Variants in RANBP2 observed in about 807,000 individuals in gnomAD.
RANBP2 encodes the protein RAN binding protein 2.
In RANBP2, 57 loss-of-function variants were observed where a neutral mutation model predicts 303.6. The observed-to-expected ratio is 0.19, with a 90% CI of 0.15 to 0.23. The LOEUF (loss-of-function observed/expected upper bound fraction) is 0.23, where lower values mean the gene tolerates loss of function less well. Ranked by LOEUF, RANBP2 falls within the 10% of genes least tolerant of loss-of-function variation. The pLI, the probability that RANBP2 is intolerant of heterozygous loss-of-function variation, is 1.00. For missense variants in RANBP2, 3,138 were observed against 3,780.8 expected, an observed-to-expected ratio of 0.83 and a Z score of 4.46; for synonymous variants, 1,167 against 1,301.5, an observed-to-expected ratio of 0.90 and a Z score of 2.23.
At chr2:109,398,969 C>T in the RANBP2 span, 1 of 1,589,424 alleles carries the variant, frequency 6.3e-7, no homozygotes. Context: ...CCAGGGCAGG[C>T]ATCCCTGGGT....
chr2:108,781,388 A>C lies in RANBP2; in HGVS notation c.8719A>C (p.Asn2907His), dbSNP rs1248623476. ...TGGTAGTGATGAAGAAGTAGTTCAT[A>C]ATGAAGATATCCATTTTGAACCAAT... Reference protein sequence around the residue: ...EDGSDEEVVHNEDIHFEPIVS... With the variant: ...EDGSDEEVVHHEDIHFEPIVS... The change falls in exon 26 of 29, where the codon AAT (asparagine) becomes CAT (histidine). Residue 2907 changes from asparagine to histidine, a missense_variant. By Grantham distance (68) the Asn-to-His change is moderately conservative (BLOSUM62 1). This residue lies in a region of RANBP2 where 68 missense variants were observed against 117.4 expected (regional missense o/e 0.58). Transcript: ENST00000283195. 1 of 1,614,084 alleles carries C rather than the reference A, an allele frequency of 6.2e-7. No individual in the cohort carries two copies. Among genetic ancestry groups the C allele is most frequent in the Non-Finnish European group, 8.5e-7 (1 of 1,180,032 alleles).
At chr2:109,581,540 A>G in the RANBP2 span, among the ~76,000 whole-genome samples, 1 of 151,868 alleles carries the variant, frequency 6.6e-6, no homozygotes, top group Non-Finnish European at 1.5e-5. Flanking sequence ...AAAAAAAAAA[A>G]CCTATTTCAG....
the RANBP2 span, chr2:108,989,363 C>T: frequency 6.5e-6 from 1 of 152,724 alleles, no homozygotes; most frequent in Non-Finnish European, 1.5e-5. Context: ...GCTCTCCGGC[C>T]GTCTGCCCCT....
the RANBP2 span, among the ~76,000 whole-genome samples, chr2:109,059,050 G>T: frequency 6.6e-6 from 1 of 152,254 alleles, no homozygotes; most frequent in East Asian, 1.9e-4. Flanking sequence ...GAGATGGACA[G>T]CTGGGATAGG....
At chr2:109,061,877 C>T in the RANBP2 span, among the ~76,000 whole-genome samples, 2 of 152,110 alleles carry the variant, frequency 1.3e-5, no homozygotes, top group African/African-American at 4.8e-5. Flanking sequence ...GTGTGGGATG[C>T]GACTGGAGCC....
At chr2:109,606,749 G>A in the RANBP2 span, among the ~76,000 whole-genome samples, 1 of 131,728 alleles carries the variant, frequency 7.6e-6, no homozygotes, top group South Asian at 2.5e-4. Context: ...GTGCAATGTC[G>A]GCTCACTGCA....
At chr2:109,160,990 C>G in the RANBP2 span, among the ~76,000 whole-genome samples, 1 of 152,190 alleles carries the variant, frequency 6.6e-6, no homozygotes, top group East Asian at 1.9e-4. Context: ...TGGGGGATCC[C>G]TGGGAGAACT....
the RANBP2 span, among the ~76,000 whole-genome samples, chr2:109,175,147 A>T: frequency 6.6e-6 from 1 of 152,058 alleles, no homozygotes; most frequent in African/African-American, 2.4e-5. Context: ...CTAAACCGGG[A>T]CCTAGTCCTG....
the RANBP2 span, among the ~76,000 whole-genome samples, chr2:108,935,582 G>C: frequency 6.6e-6 from 1 of 152,096 alleles, no homozygotes; most frequent in African/African-American, 2.4e-5. Flanking sequence ...GCCTTGGCTG[G>C]GTCTCTCCCT....
the RANBP2 span, among the ~76,000 whole-genome samples, chr2:109,534,900 T>C: frequency 2.0e-5 from 3 of 152,280 alleles, no homozygotes; most frequent in East Asian, 3.9e-4. Context: ...AGAGTGGTGG[T>C]GGACATAACC....
At chr2:109,107,637 G>A in the RANBP2 span, among the ~76,000 whole-genome samples, 1 of 152,174 alleles carries the variant, frequency 6.6e-6, no homozygotes, top group East Asian at 1.9e-4. Flanking sequence ...TCAGTCTCAG[G>A]GAGACTGGAT....
the RANBP2 span, among the ~76,000 whole-genome samples, chr2:109,362,082 A>G: frequency 0.039 from 5,917 of 151,226 alleles, 320 homozygotes; most frequent in African/African-American, 0.13. Flanking sequence ...GATTTCTTCT[A>G]TTTCTTTTAT....
At chr2:108,788,745 TGA>T, downstream of RANBP2, 2 of 1,448,406 alleles carry the variant, frequency 1.4e-6, no homozygotes, top group African/African-American at 1.5e-5. Context: ...AAAAAAAATT[TGA>T]GAGAGAAGAT....
At chr2:109,398,998 C>T in the RANBP2 span, 1 of 1,515,560 alleles carries the variant, frequency 6.6e-7, no homozygotes. Flanking sequence ...GTTCTATCCT[C>T]AGCTCCGTGT....
At chr2:108,789,606 G>C (rs1026752860), downstream of RANBP2, among the ~76,000 whole-genome samples, 3 of 152,016 alleles carry the variant, frequency 2.0e-5, no homozygotes, top group East Asian at 5.8e-4. Flanking sequence ...AAGAAAAAAC[G>C]AACTACAAAA....
chr2:108,773,937 G>A (rs1329116591), intron 23 of RANBP2, among the ~76,000 whole-genome samples: 6 of 152,084 alleles, frequency 3.9e-5, no homozygotes, highest in African/African-American at 9.7e-5. Flanking sequence ...GTGAGCCACC[G>A]CGCCTGGCCA....
At chr2:108,826,810 T>A in the RANBP2 span, among the ~76,000 whole-genome samples, 1 of 152,232 alleles carries the variant, frequency 6.6e-6, no homozygotes, top group East Asian at 1.9e-4. Flanking sequence ...AAGGACTGCA[T>A]TGAATCTGTG....
the RANBP2 span, chr2:108,929,124 A>G: frequency 6.4e-7 from 1 of 1,567,742 alleles, no homozygotes; most frequent in Admixed American, 1.7e-5. Context: ...CCTGTTCCCA[A>G]GGTCCTTGCC....
At chr2:109,747,978 C>T in the RANBP2 span, among the ~76,000 whole-genome samples, 2 of 90,774 alleles carry the variant, frequency 2.2e-5, no homozygotes, top group Non-Finnish European at 2.2e-5. Flanking sequence ...AAATATTAAG[C>T]TAAAGGAATT....
Sources: gnomAD v4.1 joint callset for allele counts (sites outside exome capture counted in the v4.1 genomes callset) on GRCh38, gnomAD v4.1.1 for gene constraint, gnomAD v4.1.1 regional missense constraint, MANE v1.5 for transcripts, NCBI Gene and HGNC (gene_info 2026-07-23, HGNC 2026-07-21) for gene names.